The following UBR2 variants were observed in gnomAD, a reference collection of about 807,000 sequenced individuals.
The protein encoded by UBR2 is E3 ubiquitin-protein ligase UBR2.
A neutral mutation model predicts 247.9 loss-of-function variants in UBR2; 92 were observed. That is an observed-to-expected ratio of 0.37 (90% CI 0.31 to 0.44). The LOEUF (loss-of-function observed/expected upper bound fraction) is 0.44, where lower values mean the gene tolerates loss of function less well. UBR2 is among the 20% of genes least tolerant of loss of function. UBR2 has a pLI of 1.00. For synonymous variants in UBR2, 672 were observed against 693.5 expected (o/e 0.97, Z 0.49); for missense variants, 1,613 against 2,112.6 (o/e 0.76, Z 4.64).
chr6:42,654,607 C>G (rs532577357), intron 25 of UBR2, among the ~76,000 whole-genome samples: 88 of 152,226 alleles, frequency 5.8e-4, no homozygotes, highest in Non-Finnish European at 1.0e-3. Context: ...TGCTTATAAT[C>G]CCAGCTACTC....
Position 42,655,610 on chromosome 6 carries a change from A to G in UBR2, c.2770-11A>G, listed in dbSNP as rs759051401. ...AAATTTTTACTAAAAGTTACAAAAC[A>G]TTTATTCAAGGTGTTACATTTAATT... is the stretch of plus-strand genomic sequence containing the variant. On this transcript the variant is annotated splice_polypyrimidine_tract_variant and intron_variant, in intron 25 of 46. Transcript: ENST00000372901. The G allele has an allele frequency of 2.0e-6, 3 of 1,493,344 alleles. No homozygotes were observed. The highest frequency in any genetic ancestry group is 2.5e-5 in the East Asian group (1 of 40,682). The allele number at this position is 1,493,344 out of a possible 1,614,324, so 92.5% of individuals were successfully genotyped here. A position where few individuals can be genotyped will look rare whatever the true frequency, so the allele number is the denominator to read the frequency against.
chr6:42,633,108 A>C (rs1725231843), intron 13 of UBR2, among the ~76,000 whole-genome samples: 1 of 151,808 alleles, frequency 6.6e-6, no homozygotes, highest in Non-Finnish European at 1.5e-5. Flanking sequence ...CTCCTGCCTC[A>C]GCCTCCAAAG....
chr6:42,631,671 A>G (rs1261585101), intron 11 of UBR2, among the ~76,000 whole-genome samples: 1 of 151,808 alleles, frequency 6.6e-6, no homozygotes, highest in African/African-American at 2.4e-5. Context: ...GTTAAAAAGA[A>G]TGACGAGCAT....
intron 1 of UBR2, among the ~76,000 whole-genome samples, chr6:42,570,017 A>AT (rs1791014842): frequency 6.6e-6 from 1 of 151,462 alleles, no homozygotes; most frequent in East Asian, 1.9e-4. Flanking sequence ...GGAAATCTTA[A>AT]TTTTTCATGT....
intron 35 of UBR2, 150 bp from the exon 36 acceptor site, chr6:42,670,510 A>G: frequency 1.4e-6 from 1 of 699,494 alleles, no homozygotes; most frequent in Non-Finnish European, 2.3e-6. Context: ...TTGTAACCAA[A>G]TTTAATTCTT....
Position 42,615,183 on chromosome 6 carries a change from A to G in UBR2, c.1093+5A>G, listed in dbSNP as rs371183906. On this transcript the variant is annotated splice_donor_5th_base_variant and intron_variant, in intron 9 of 46. Coordinates refer to ENST00000372901, the MANE Select transcript of UBR2 (RefSeq NM_001363705.2). ...GTGATTCCAAATTATGGAAAGGTGA[A>G]TCTCTTAACTACTTTTAAGGTGTAG... is the stretch of plus-strand genomic sequence containing the variant. The G allele has an allele frequency of 1.8e-5, 29 of 1,607,180 alleles. No individual in the cohort carries two copies. Among genetic ancestry groups the G allele is most frequent in the Admixed American group, 6.7e-5 (4 of 59,314 alleles).
chr6:42,570,065 T>C (rs9381196), intron 1 of UBR2, among the ~76,000 whole-genome samples: 66,344 of 151,080 alleles, frequency 0.44, 14,494 homozygotes, highest in African/African-American at 0.48. Flanking sequence ...TTAGAACTAA[T>C]ATGAAAAGCT....
chr6:42,677,295 A>G (rs910570821), intron 40 of UBR2, among the ~76,000 whole-genome samples: 1 of 152,226 alleles, frequency 6.6e-6, no homozygotes, highest in Non-Finnish European at 1.5e-5. Context: ...TTAGAATTCC[A>G]TGTATGGTTA....
intron 11 of UBR2, among the ~76,000 whole-genome samples, chr6:42,626,565 A>G (rs1219859073): frequency 6.6e-6 from 1 of 152,132 alleles, no homozygotes; most frequent in Non-Finnish European, 1.5e-5. Flanking sequence ...TCTTCAGCTG[A>G]TAGAGTGAGG....
At chr6:42,690,007 G>A (rs1562411233) in intron 46 of UBR2, among the ~76,000 whole-genome samples, 2 of 152,176 alleles carry the variant, frequency 1.3e-5, no homozygotes, top group Non-Finnish European at 2.9e-5. Context: ...TTGTATAGAG[G>A]AAGCCCAGTG....
At chr6:42,631,889 T>TATAA (rs1554254807) in intron 11 of UBR2, among the ~76,000 whole-genome samples, 8 of 134,816 alleles carry the variant, frequency 5.9e-5, no homozygotes, top group Admixed American at 1.5e-4. Context: ...TATATATATA[T>TATAA]AAATACAGGT....
chr6:42,591,325 C>T (rs1179815368), intron 2 of UBR2, among the ~76,000 whole-genome samples: 2 of 152,160 alleles, frequency 1.3e-5, no homozygotes, highest in African/African-American at 2.4e-5. Context: ...TACTAGCACC[C>T]TTATCTACAA....
chr6:42,676,858 A>T lies in UBR2; in HGVS notation c.4463A>T (p.His1488Leu), dbSNP rs1798745730. 6.2e-7 allele frequency: 1 copy of T among 1,613,620 alleles called. No individual in the cohort carries two copies. The highest frequency in any genetic ancestry group is 8.5e-7 in the Non-Finnish European group (1 of 1,179,674). The change falls in exon 40 of 47, where the codon CAC becomes CTC. Residue 1488 changes from histidine (H) to leucine (L), a missense_variant. By Grantham distance (99) the His-to-Leu change is moderately conservative. Coordinates refer to ENST00000372901, the MANE Select transcript of UBR2 (RefSeq NM_001363705.2). ...GTTCTTGCTTTGTATAAAACACTTC[A>T]CCAGTATACGGGAAGGTGAGTTAGT... ...SAVLALYKTL[H>L]QYTGSALKEI...
chr6:42,605,992 C>A, intron 6 of UBR2, 133 bp downstream of exon 6: 1 of 842,706 alleles, frequency 1.2e-6, no homozygotes, highest in Non-Finnish European at 1.7e-6. Flanking sequence ...TGCCTGTAAT[C>A]TCAGCACTTT....
chr6:42,584,893 G>GT (rs1462092927), intron 2 of UBR2, among the ~76,000 whole-genome samples: 2 of 151,952 alleles, frequency 1.3e-5, no homozygotes, highest in African/African-American at 2.4e-5. Context: ...TTTTTGTTTT[G>GT]TTTTTTGTTT....
At chr6:42,671,449 A>G (rs1231126063) in intron 36 of UBR2, among the ~76,000 whole-genome samples, 2 of 151,732 alleles carry the variant, frequency 1.3e-5, no homozygotes, top group Non-Finnish European at 2.9e-5. Context: ...AGAAGAATGT[A>G]TATTCTAGCT....
intron 44 of UBR2, among the ~76,000 whole-genome samples, chr6:42,686,083 T>A (rs370434144): frequency 3.1e-4 from 47 of 152,250 alleles, no homozygotes; most frequent in African/African-American, 1.1e-3. Flanking sequence ...GTATGTTTTT[T>A]TTTTAATTAG....
intron 1 of UBR2, among the ~76,000 whole-genome samples, 175 bp from the exon 2 acceptor site, chr6:42,573,559 A>C (rs1398917912): frequency 1.3e-5 from 2 of 152,206 alleles, no homozygotes. Flanking sequence ...GTAGGATTTA[A>C]ACATACTTGG....
intron 4 of UBR2, among the ~76,000 whole-genome samples, chr6:42,598,477 G>A (rs184494221): frequency 3.3e-5 from 5 of 152,040 alleles, no homozygotes; most frequent in South Asian, 2.1e-4. Flanking sequence ...ATTGTGTTTC[G>A]CCTACTCAGT....
Sources: allele counts gnomAD v4.1 joint callset (sites outside exome capture counted in the v4.1 genomes callset), GRCh38; gene constraint gnomAD v4.1.1; transcripts MANE v1.5; gene names NCBI Gene and HGNC (gene_info 2026-07-23, HGNC 2026-07-21).